TRIQK: variants seen among roughly 807,000 people sequenced by gnomAD.
TRIQK encodes triple QxxK/R motif containing.
Under a neutral mutation model 10.8 loss-of-function variants are expected in TRIQK, and 10 were observed. The observed-to-expected ratio is 0.92, with a 90% CI of 0.57 to 1.57. The LOEUF (loss-of-function observed/expected upper bound fraction) is 1.57. Among genes scored for constraint, TRIQK ranks in the 40% most tolerant of loss-of-function variants. TRIQK has a pLI of 0.00. For missense variants in TRIQK, 107 were observed against 97.7 expected (o/e 1.09, Z -0.40); for synonymous variants, 33 against 33.7 (o/e 0.98, Z 0.07).
At chr8:92,951,328 G>T in intron 2 of TRIQK, among the ~76,000 whole-genome samples, 1 of 151,982 alleles carries the variant, frequency 6.6e-6, no homozygotes, top group Non-Finnish European at 1.5e-5. Context: ...CAAGTAAAAA[G>T]TTAAACAGAC....
At chr8:92,970,114 G>A (rs1387651800), upstream of TRIQK, among the ~76,000 whole-genome samples, 1 of 152,142 alleles carries the variant, frequency 6.6e-6, no homozygotes, top group East Asian at 1.9e-4. Context: ...TCCTGCAAAG[G>A]ACATGATCTC....
chr8:92,963,282 T>A (rs868131004), intron 1 of TRIQK, among the ~76,000 whole-genome samples: 2 of 152,326 alleles, frequency 1.3e-5, no homozygotes, highest in South Asian at 2.1e-4. Context: ...AACAACTTTT[T>A]ATATCTACTA....
intron 1 of TRIQK, among the ~76,000 whole-genome samples, chr8:92,981,242 G>A (rs371259500): frequency 1.3e-5 from 2 of 151,392 alleles, no homozygotes; most frequent in Admixed American, 6.6e-5. Flanking sequence ...GTCTGTTTTC[G>A]GTGGCTTTTT....
At chr8:92,947,666 G>C (rs1367086097) in intron 2 of TRIQK, among the ~76,000 whole-genome samples, 1 of 140,176 alleles carries the variant, frequency 7.1e-6, no homozygotes, top group Non-Finnish European at 1.5e-5. Context: ...CCTTGTGATT[G>C]AACATTTAAT....
At chr8:93,014,075 A>C (rs1403090242) in intron 1 of TRIQK, among the ~76,000 whole-genome samples, 1 of 152,160 alleles carries the variant, frequency 6.6e-6, no homozygotes, top group Non-Finnish European at 1.5e-5. Flanking sequence ...TACATAAAAA[A>C]TGGTTAAACA....
At chr8:93,012,437 C>T (rs1466682392) in intron 1 of TRIQK, among the ~76,000 whole-genome samples, 4 of 151,950 alleles carry the variant, frequency 2.6e-5, no homozygotes, top group African/African-American at 9.7e-5. Context: ...TATGTAGATC[C>T]AGCGTTTTCA....
intron 2 of TRIQK, among the ~76,000 whole-genome samples, chr8:92,952,315 G>A (rs1243784273): frequency 6.6e-6 from 1 of 151,930 alleles, no homozygotes; most frequent in East Asian, 1.9e-4. Flanking sequence ...GAAATGAAGA[G>A]TGCCTTTGAT....
At chr8:92,934,952 G>A (rs557514729) in intron 2 of TRIQK, among the ~76,000 whole-genome samples, 42 of 151,840 alleles carry the variant, frequency 2.8e-4, no homozygotes, top group African/African-American at 7.9e-4. Flanking sequence ...AGTACAATAC[G>A]AAAAAGCATA....
intron 3 of TRIQK, among the ~76,000 whole-genome samples, chr8:92,908,194 A>C (rs1809379679): frequency 6.6e-6 from 1 of 152,104 alleles, no homozygotes; most frequent in Non-Finnish European, 1.5e-5. Context: ...CAAGCTCATT[A>C]TCACGTGAAT....
At chr8:92,967,421 T>G (rs1035014334), upstream of TRIQK, among the ~76,000 whole-genome samples, 2 of 152,190 alleles carry the variant, frequency 1.3e-5, no homozygotes, top group Non-Finnish European at 2.9e-5. Flanking sequence ...ACTCTTGACC[T>G]GCTGAATATC....
At chr8:92,947,289 G>A (rs1811587590) in intron 2 of TRIQK, among the ~76,000 whole-genome samples, 2 of 150,882 alleles carry the variant, frequency 1.3e-5, no homozygotes. Context: ...TTATCTTAAA[G>A]CCTTCTTTCG....
In TRIQK at chr8:92,901,533, TA is replaced by T. The variant is rs148116953; in HGVS notation, c.62-9460del. On this transcript the variant is annotated intron_variant, in intron 3 of 4. Transcript: ENST00000521988. ...GGGTTTTTGTCCTTCATTCTATTGA[TA>T]TGATGTATCACATTGTTTGATTTGT... 4.6e-3 allele frequency among the ~76,000 whole-genome samples: 703 copies of T among 152,314 alleles called. 6 individuals are homozygous for T. The highest frequency in any genetic ancestry group is 0.016 in the African/African-American group (664 of 41,574).
chr8:92,985,004 A>T (rs1352687029), intron 1 of TRIQK, among the ~76,000 whole-genome samples: 2 of 152,176 alleles, frequency 1.3e-5, no homozygotes, highest in African/African-American at 4.8e-5. Flanking sequence ...TTAATGAAAA[A>T]TTTATCTTAG....
intron 1 of TRIQK, among the ~76,000 whole-genome samples, chr8:92,989,454 G>A (rs935591915): frequency 9.9e-5 from 15 of 152,072 alleles, no homozygotes; most frequent in African/African-American, 2.9e-4. Context: ...TCTGCCTCCT[G>A]TCAGATCAGT....
intron 2 of TRIQK, among the ~76,000 whole-genome samples, chr8:92,926,037 G>C (rs577411180): frequency 6.6e-6 from 1 of 151,730 alleles, no homozygotes; most frequent in Non-Finnish European, 1.5e-5. Flanking sequence ...CCAAGATCGC[G>C]CCACTGCACT....
chr8:92,945,730 T>A (rs978653910), intron 2 of TRIQK, among the ~76,000 whole-genome samples: 3 of 152,202 alleles, frequency 2.0e-5, no homozygotes, highest in Non-Finnish European at 4.4e-5. Context: ...GGATATTCAT[T>A]CTAGTTTTAG....
chr8:92,904,743 A>C (rs1284892656), intron 3 of TRIQK, among the ~76,000 whole-genome samples: 1 of 152,146 alleles, frequency 6.6e-6, no homozygotes, highest in African/African-American at 2.4e-5. Context: ...TCACAACCCC[A>C]CAGTATATCA....
In TRIQK at chr8:92,885,236, C is replaced by A; in HGVS notation, c.*1386G>T. On this transcript the variant is annotated 3_prime_UTR_variant, in exon 5 of 5. Coordinates refer to ENST00000521988, the MANE Select transcript of TRIQK (RefSeq NM_001171797.2). ...GAACATAATGCTACACAGTCACAGT[C>A]GACTTTTTGCAAAAGTACCAGAGAA... is the stretch of plus-strand genomic sequence containing the variant. 3.2e-6 allele frequency: 1 copy of A among 316,486 alleles called. No homozygotes were observed. Among genetic ancestry groups the A allele is most frequent in the Non-Finnish European group, 6.3e-6 (1 of 159,916 alleles). The allele number at this position is 316,486 out of a possible 1,614,324, so 19.6% of individuals were successfully genotyped here. A position where few individuals can be genotyped will look rare whatever the true frequency, so the allele number is the denominator to read the frequency against.
At chr8:92,922,086 AT>A (rs1356364343) in intron 2 of TRIQK, among the ~76,000 whole-genome samples, 2 of 151,960 alleles carry the variant, frequency 1.3e-5, no homozygotes, top group East Asian at 3.9e-4. Flanking sequence ...AATAAGTTAA[AT>A]TTTCATCTCT....
Sources: gnomAD v4.1 joint callset for allele counts (sites outside exome capture counted in the v4.1 genomes callset) on GRCh38, gnomAD v4.1.1 for gene constraint, MANE v1.5 for transcripts, NCBI Gene and HGNC (gene_info 2026-07-23, HGNC 2026-07-21) for gene names.